Variants in NXPH1 observed in about 807,000 individuals in gnomAD.
NXPH1 encodes the protein neurexophilin 1, also known as neurexophilin-1.
Under a neutral mutation model 23.7 loss-of-function variants are expected in NXPH1, and 5 were observed. The ratio of observed to expected loss-of-function variants is 0.21; its 90% CI spans 0.11 to 0.44. The LOEUF (loss-of-function observed/expected upper bound fraction) is 0.44, where lower values mean the gene tolerates loss of function less well. Ranked by LOEUF, NXPH1 falls within the 20% of genes least tolerant of loss-of-function variation. The pLI is 0.99. For missense variants in NXPH1, 324 were observed against 321.6 expected, an observed-to-expected ratio of 1.01 and a Z score of -0.06; for synonymous variants, 144 against 122.2, an observed-to-expected ratio of 1.18 and a Z score of -1.18.
chr7:8,595,194 TAAATAAATA>T (rs1819194367), intron 2 of NXPH1, among the ~76,000 whole-genome samples: 1 of 76,426 alleles, frequency 1.3e-5, no homozygotes. Context: ...TCTGCCAGTA[TAAATAAATA>T]AATAAATAAA....
chr7:8,714,597 G>C lies in NXPH1; in HGVS notation c.55-36411G>C, dbSNP rs149457813. Among the ~76,000 whole-genome samples the C allele has an allele frequency of 3.1e-4, 47 of 152,186 alleles. No homozygotes were observed. In the East Asian group the frequency reaches 9.2e-3, roughly 30 times the overall value. Reference sequence around the variant, plus strand: ...GTGTCTCGCCCAATGCCCACAGTATGTACTACCTGGTTACTGCTGCTGGTT... The same window carrying C: ...GTGTCTCGCCCAATGCCCACAGTATCTACTACCTGGTTACTGCTGCTGGTT... On this transcript the variant is annotated intron_variant, in intron 2 of 2. Transcript: ENST00000405863.
chr7:8,449,026 T>C (rs1584161665), intron 2 of NXPH1, among the ~76,000 whole-genome samples: 1 of 152,358 alleles, frequency 6.6e-6, no homozygotes, highest in Admixed American at 6.5e-5. Flanking sequence ...GTATTTGCTT[T>C]AAATTACTTT....
chr7:8,675,756 C>A (rs930094936), intron 2 of NXPH1, among the ~76,000 whole-genome samples: 1 of 152,056 alleles, frequency 6.6e-6, no homozygotes, highest in African/African-American at 2.4e-5. Context: ...TGATACATTC[C>A]CCCAAAAGGA....
At chr7:8,666,680 T>C (rs150295466) in intron 2 of NXPH1, among the ~76,000 whole-genome samples, 7 of 152,198 alleles carry the variant, frequency 4.6e-5, no homozygotes, top group African/African-American at 1.7e-4. Context: ...GCTAGAAGAC[T>C]TTTTATTGCT....
At position 8,707,183 on chromosome 7, in the gene NXPH1, A is replaced by G. The variant is rs573416430; in HGVS notation, c.55-43825A>G. 5.3e-5 allele frequency among the ~76,000 whole-genome samples: 8 copies of G among 152,262 alleles called. No individual in the cohort carries two copies. In the East Asian group the frequency reaches 1.5e-3, roughly 29 times the overall value. ...CTCTCTAGCACTTCACACTCACTCC[A>G]CCCAATATTTCTTATAATTACAAGG... On this transcript the variant is annotated intron_variant, in intron 2 of 2. Transcript: ENST00000405863.
chr7:8,576,963 A>G (rs1181046643), intron 2 of NXPH1, among the ~76,000 whole-genome samples: 1 of 152,158 alleles, frequency 6.6e-6, no homozygotes, highest in Non-Finnish European at 1.5e-5. Context: ...AAATTTACAA[A>G]TATTTACTCA....
At chr7:8,532,884 G>A (rs1817970382) in intron 2 of NXPH1, among the ~76,000 whole-genome samples, 1 of 152,068 alleles carries the variant, frequency 6.6e-6, no homozygotes, top group African/African-American at 2.4e-5. Flanking sequence ...TACTTTCTAG[G>A]TTAGTGTGGG....
intron 2 of NXPH1, among the ~76,000 whole-genome samples, chr7:8,656,496 G>A (rs1237230803): frequency 7.5e-6 from 1 of 133,890 alleles, no homozygotes; most frequent in Non-Finnish European, 1.6e-5. Flanking sequence ...CTCACAAACT[G>A]TAGAGTTAAT....
chr7:8,606,464 A>G lies in NXPH1; in HGVS notation c.55-144544A>G, dbSNP rs192329648. 1.1e-3 allele frequency among the ~76,000 whole-genome samples: 165 copies of G among 152,258 alleles called. No homozygotes were observed. The Middle Eastern group carries it at 0.024, about 22-fold the overall frequency. ...TGCCTCTGGGGATTTACCACTCAAT[A>G]TTAAAGTACTTCCCACTGTGACATT... is the stretch of plus-strand genomic sequence containing the variant. On this transcript the variant is annotated intron_variant, in intron 2 of 2. Coordinates refer to ENST00000405863, the MANE Select transcript of NXPH1 (RefSeq NM_152745.3).
At chr7:8,740,999 C>G (rs557847727) in intron 2 of NXPH1, among the ~76,000 whole-genome samples, 21 of 152,274 alleles carry the variant, frequency 1.4e-4, no homozygotes, top group African/African-American at 5.1e-4. Flanking sequence ...AACTCCAGAA[C>G]TTATTCATCA....
intron 2 of NXPH1, among the ~76,000 whole-genome samples, chr7:8,586,202 A>G (rs1253070322): frequency 6.6e-6 from 1 of 152,158 alleles, no homozygotes; most frequent in Non-Finnish European, 1.5e-5. Context: ...GGAACCTAAA[A>G]TGCTGGAAAT....
At chr7:8,613,381 G>C (rs1819660822) in intron 2 of NXPH1, among the ~76,000 whole-genome samples, 1 of 151,924 alleles carries the variant, frequency 6.6e-6, no homozygotes, top group South Asian at 2.1e-4. Context: ...CAAACATCTG[G>C]AGGAAAATAA....
intron 2 of NXPH1, among the ~76,000 whole-genome samples, chr7:8,720,440 T>C (rs1779953002): frequency 6.6e-6 from 1 of 152,192 alleles, no homozygotes; most frequent in Non-Finnish European, 1.5e-5. Flanking sequence ...CATAATGTAT[T>C]AACATATGAT....
chr7:8,466,890 G>C (rs1247617713), intron 2 of NXPH1, among the ~76,000 whole-genome samples: 1 of 151,602 alleles, frequency 6.6e-6, no homozygotes, highest in East Asian at 2.0e-4. Flanking sequence ...AGAGTCATTA[G>C]AGCTGATGGG....
chr7:8,674,201 A>C (rs747803354), intron 2 of NXPH1, among the ~76,000 whole-genome samples: 7 of 89,336 alleles, frequency 7.8e-5, no homozygotes, highest in South Asian at 3.4e-4. Context: ...ACACACACAC[A>C]CACCTATGCA....
At chr7:8,696,757 C>G (rs890379838) in intron 2 of NXPH1, among the ~76,000 whole-genome samples, 1 of 150,538 alleles carries the variant, frequency 6.6e-6, no homozygotes, top group Non-Finnish European at 1.5e-5. Context: ...AGGAGAATGG[C>G]GTGAACCCGT....
intron 2 of NXPH1, among the ~76,000 whole-genome samples, chr7:8,554,973 G>A (rs1818333597): frequency 6.6e-6 from 1 of 151,674 alleles, no homozygotes; most frequent in African/African-American, 2.4e-5. Flanking sequence ...ATCCCTTTTG[G>A]ATCAAGACAC....
chr7:8,646,508 A>T (rs1015107563), intron 2 of NXPH1, among the ~76,000 whole-genome samples: 15 of 152,080 alleles, frequency 9.9e-5, no homozygotes, highest in African/African-American at 3.6e-4. Flanking sequence ...TTTAGAAGAG[A>T]ATGCTAATAA....
chr7:8,454,754 C>T (rs1400350597), intron 2 of NXPH1, among the ~76,000 whole-genome samples: 1 of 152,070 alleles, frequency 6.6e-6, no homozygotes, highest in Non-Finnish European at 1.5e-5. Flanking sequence ...AATCAGTGCT[C>T]AATGGAATCC....
Sources: allele counts gnomAD v4.1 joint callset (sites outside exome capture counted in the v4.1 genomes callset), GRCh38; gene constraint gnomAD v4.1.1; transcripts MANE v1.5; gene names NCBI Gene and HGNC (gene_info 2026-07-23, HGNC 2026-07-21).